MYL11: variants seen among roughly 807,000 people sequenced by gnomAD.
MYL11 encodes the protein myosin light chain 11.
the MYL11 span, chr16:30,377,969 A>T: frequency 6.9e-7 from 1 of 1,456,398 alleles, no homozygotes. Flanking sequence ...TCCCAATAAA[A>T]TTTAACTGAT....
the MYL11 span, chr16:30,376,777 T>G: frequency 8.4e-6 from 12 of 1,421,866 alleles, no homozygotes; most frequent in Non-Finnish European, 1.2e-5. Flanking sequence ...TCCTTAAATT[T>G]CTACCAAGGC....
the MYL11 span, chr16:30,377,941 C>T: frequency 6.4e-7 from 1 of 1,553,030 alleles, no homozygotes; most frequent in South Asian, 1.1e-5. Flanking sequence ...TTCTGTTCGG[C>T]CCGACCTCCA....
At chr16:30,372,377 G>T in the MYL11 span, 1 of 152,610 alleles carries the variant, frequency 6.6e-6, no homozygotes. Flanking sequence ...GCATGGGCCT[G>T]GAGGAGGGGG....
chr16:30,377,796 A>G, the MYL11 span: 1 of 1,613,958 alleles, frequency 6.2e-7, no homozygotes, highest in South Asian at 1.1e-5. Flanking sequence ...CTTTCCCCAG[A>G]TCAAGAACAT....
chr16:30,376,747 C>G, the MYL11 span: 4 of 1,554,386 alleles, frequency 2.6e-6, no homozygotes, highest in Middle Eastern at 2.0e-4. Flanking sequence ...ACTCCACCAG[C>G]TGCTCCCACA....
the MYL11 span, chr16:30,374,644 GC>G: frequency 1.8e-6 from 1 of 545,156 alleles, no homozygotes. Flanking sequence ...CTTCCTCCCC[GC>G]TGGGCTCCAG....
chr16:30,377,835 G>A, the MYL11 span: 1 of 1,614,026 alleles, frequency 6.2e-7, no homozygotes, highest in Non-Finnish European at 8.5e-7. Context: ...CGACGTGGGC[G>A]GCAACGTCGA....
the MYL11 span, among the ~76,000 whole-genome samples, chr16:30,371,573 C>T: frequency 6.6e-6 from 1 of 152,184 alleles, no homozygotes; most frequent in East Asian, 1.9e-4. Flanking sequence ...CAGTTCCCAT[C>T]TATCTGAGCT....
the MYL11 span, chr16:30,376,282 C>T: frequency 2.5e-6 from 4 of 1,588,936 alleles, no homozygotes; most frequent in Non-Finnish European, 3.4e-6. Context: ...ATTCAGTGGC[C>T]TTGGGTTCCA....
the MYL11 span, chr16:30,375,806 C>T: frequency 6.2e-7 from 1 of 1,612,412 alleles, no homozygotes; most frequent in Non-Finnish European, 8.5e-7. Context: ...CTTTGTTCAA[C>T]CCTCACCCTC....
the MYL11 span, chr16:30,375,998 G>C: frequency 1.3e-6 from 2 of 1,523,856 alleles, no homozygotes; most frequent in Non-Finnish European, 1.8e-6. Context: ...GCTTGAAGGA[G>C]GGGAAAGGTT....
chr16:30,375,745 G>T, the MYL11 span: 3 of 1,261,988 alleles, frequency 2.4e-6, no homozygotes, highest in African/African-American at 1.5e-5. Flanking sequence ...GAAGAATTCT[G>T]ACTCTTAATC....
At chr16:30,371,124 G>T in the MYL11 span, 1 of 152,284 alleles carries the variant, frequency 6.6e-6, no homozygotes, top group Non-Finnish European at 1.5e-5. Flanking sequence ...AGCTGTCTCA[G>T]CCAATGGGAG....
chr16:30,376,103 G>T, the MYL11 span: 1 of 1,602,052 alleles, frequency 6.2e-7, no homozygotes, highest in Non-Finnish European at 8.5e-7. Flanking sequence ...GCTGAGGCTG[G>T]GCCATGGGGG....
At chr16:30,375,963 G>C in the MYL11 span, 3 of 1,584,738 alleles carry the variant, frequency 1.9e-6, no homozygotes, top group Non-Finnish European at 2.6e-6. Context: ...CAGCCCTGCT[G>C]GCCCTCTCCC....
At chr16:30,377,921 T>A in the MYL11 span, 1 of 1,591,992 alleles carries the variant, frequency 6.3e-7, no homozygotes, top group South Asian at 1.1e-5. Flanking sequence ...GGGCCTCCGC[T>A]GCCCGACGCT....
chr16:30,375,472 A>G, the MYL11 span, among the ~76,000 whole-genome samples: 1 of 144,226 alleles, frequency 6.9e-6, no homozygotes, highest in Non-Finnish European at 1.6e-5. Flanking sequence ...CTCAAAAAAA[A>G]AAAAAAAAAG....
At chr16:30,376,375 C>T in the MYL11 span, 70 of 1,579,354 alleles carry the variant, frequency 4.4e-5, no homozygotes, top group African/African-American at 7.1e-4. Flanking sequence ...AGCGCAGGCC[C>T]GGCCCCAGGA....
chr16:30,376,398 C>G, the MYL11 span: 3 of 1,602,136 alleles, frequency 1.9e-6, no homozygotes, highest in Non-Finnish European at 2.6e-6. Context: ...CTGCTCCAGC[C>G]CATGCTTCCC....
Sources: allele counts gnomAD v4.1 joint callset (sites outside exome capture counted in the v4.1 genomes callset), GRCh38; gene constraint gnomAD v4.1.1; transcripts MANE v1.5; gene names NCBI Gene and HGNC (gene_info 2026-07-23, HGNC 2026-07-21).